The following PLXDC1 variants were observed in gnomAD, a reference collection of about 807,000 sequenced individuals.
The protein encoded by PLXDC1 is plexin domain-containing protein 1.
Under a neutral mutation model 61.3 loss-of-function variants are expected in PLXDC1, and 39 were observed. The observed-to-expected ratio is 0.64, with a 90% confidence interval of 0.49 to 0.83. The LOEUF (loss-of-function observed/expected upper bound fraction) is 0.83. Ranked by LOEUF, PLXDC1 falls within the 40% of genes least tolerant of loss-of-function variation. PLXDC1 has a pLI of 0.00. For missense variants in PLXDC1, 596 were observed against 666.5 expected (o/e 0.89, Z 1.17); for synonymous variants, 212 against 254.5 (o/e 0.83, Z 1.59).
Position 39,079,152 on chromosome 17 carries a change from G to C in PLXDC1, c.1002C>G (p.Gly334=). The C allele has an allele frequency of 6.2e-7, 1 of 1,613,816 alleles. No homozygotes were observed. Among genetic ancestry groups the C allele is most frequent in the Non-Finnish European group, 8.5e-7 (1 of 1,179,750 alleles). The change falls in exon 10 of 14, where the codon GGC becomes GGG. Residue 334 remains glycine, a synonymous_variant. Transcript: ENST00000315392. ...WCHVLQRCSS[G]FDRYRQEWMD... is the part of the protein sequence containing the mutation. ...TCCACTCCTGGCGATAGCGGTCAAA[G>C]CCACTGGAGCATCTGCAGGAGGACC...
rs1478480188 is a variant in PLXDC1, at chr17:39,117,563, C to A, written c.256-8172G>T. 6.0e-5 allele frequency among the ~76,000 whole-genome samples: 8 copies of A among 133,010 alleles called. No homozygotes were observed. The South Asian group carries it at 1.9e-3, about 32-fold the overall frequency. The allele number at this position is 133,010 out of a possible 152,430, so 87.3% of individuals were successfully genotyped here. On this transcript the variant is annotated intron_variant, in intron 2 of 13. Coordinates refer to ENST00000315392, the MANE Select transcript of PLXDC1 (RefSeq NM_020405.5). ...TTGGGCAACATAGTGAGACCCTCCC[C>A]CCAAGTCTACAAAAAAAAAAATGCA...
intron 7 of PLXDC1, among the ~76,000 whole-genome samples, chr17:39,095,400 T>C (rs1910149203): frequency 9.1e-6 from 1 of 109,630 alleles, no homozygotes; most frequent in Non-Finnish European, 1.9e-5. Context: ...GCCTGGGTTA[T>C]TTGTTTTGGA....
At chr17:39,122,231 C>T (rs540772774) in intron 2 of PLXDC1, among the ~76,000 whole-genome samples, 7 of 151,444 alleles carry the variant, frequency 4.6e-5, no homozygotes, top group African/African-American at 1.5e-4. Flanking sequence ...GTTGAAACCC[C>T]GTCTCTACTA....
rs1473299395 is a variant in PLXDC1 at position 39,105,868 on chromosome 17, G to A, written c.797C>T (p.Ser266Phe). The change falls in exon 7 of 14, where the codon TCC becomes TTC. Residue 266 changes from serine to phenylalanine, a missense_variant. Physicochemically the swap from Ser to Phe is radical, Grantham distance 155 (BLOSUM62 -2). Coordinates refer to ENST00000315392, the MANE Select transcript of PLXDC1 (RefSeq NM_020405.5). ...TGAAGACTCACCTGGCACATCCGGGGATGGATTGAGAATCATGAAGGCATC... is the reference window on the plus strand; with the variant it reads ...TGAAGACTCACCTGGCACATCCGGGAATGGATTGAGAATCATGAAGGCATC... ...LSDAFMILNP[S>F]PDVPESRRRS... 2 of 1,612,480 alleles carry A rather than the reference G, an allele frequency of 1.2e-6. No homozygotes were observed. The highest frequency in any genetic ancestry group is 1.7e-6 in the Non-Finnish European group (2 of 1,178,674).
intron 2 of PLXDC1, among the ~76,000 whole-genome samples, chr17:39,122,279 C>T (rs559489774): frequency 6.7e-6 from 1 of 150,086 alleles, no homozygotes; most frequent in African/African-American, 2.4e-5. Context: ...GTGAGGCACA[C>T]CTGTAATCCC....
chr17:39,085,058 GA>G (rs767505333), intron 8 of PLXDC1, among the ~76,000 whole-genome samples: 1 of 152,214 alleles, frequency 6.6e-6, no homozygotes, highest in African/African-American at 2.4e-5. Flanking sequence ...ACTAACAACA[GA>G]AAAATGACCA....
intron 1 of PLXDC1, among the ~76,000 whole-genome samples, chr17:39,147,924 A>G (rs2045352424): frequency 6.6e-6 from 1 of 152,186 alleles, no homozygotes. Context: ...AAGGGCTATG[A>G]AGAAAATCAG....
Position 39,107,543 on chromosome 17 carries a change from G to T in PLXDC1, c.593-18C>A. The T allele has an allele frequency of 6.5e-7, 1 of 1,545,358 alleles. No homozygotes were observed. Among genetic ancestry groups the T allele is most frequent in the Non-Finnish European group, 9.0e-7 (1 of 1,117,066 alleles). ...GACTGTCCCTGGGGAGAAGAACAGA[G>T]ACCCGGCTGGACGGGAGATCATGCA... On this transcript the variant is annotated intron_variant, in intron 5 of 13. Transcript: ENST00000315392.
chr17:39,125,176 C>G (rs903196832), intron 2 of PLXDC1, among the ~76,000 whole-genome samples: 1 of 152,194 alleles, frequency 6.6e-6, no homozygotes, highest in Admixed American at 6.5e-5. Context: ...CCCCAGCTGC[C>G]CTCTGGACAT....
intron 6 of PLXDC1, among the ~76,000 whole-genome samples, chr17:39,106,248 T>G (rs11658255): frequency 0.048 from 7,338 of 152,152 alleles, 247 homozygotes; most frequent in Non-Finnish European, 0.071. Context: ...CTAATGCATC[T>G]CCGAATTCTG....
In PLXDC1 at chr17:39,150,839, G is replaced by A. The variant is rs577385364; in HGVS notation, c.76+523C>T. 4.6e-5 allele frequency among the ~76,000 whole-genome samples: 7 copies of A among 152,336 alleles called. No individual in the cohort carries two copies. In the East Asian group the frequency reaches 1.4e-3, roughly 29 times the overall value. ...CTCTCTACTGACACCAAATAGGCAA[G>A]GGAAGGTGACCGAATGGCTGCTGCC... On this transcript the variant is annotated intron_variant, in intron 1 of 13. Transcript: ENST00000315392.
At chr17:39,129,688 A>AAAG (rs1462913519) in intron 2 of PLXDC1, among the ~76,000 whole-genome samples, 1 of 65,066 alleles carries the variant, frequency 1.5e-5, no homozygotes, top group African/African-American at 8.0e-5. Context: ...AGGGAGAAAG[A>AAAG]AAAGAAAGAA....
Position 39,067,516 on chromosome 17 carries a change from G to A in PLXDC1, c.*324C>T. The A allele has an allele frequency of 4.5e-6, 1 of 220,400 alleles. No individual in the cohort carries two copies. The highest frequency in any genetic ancestry group is 9.9e-5 in the East Asian group (1 of 10,056). 13.7% of individuals were successfully genotyped at this position (220,400 alleles called of 1,614,324 possible). A position where few individuals can be genotyped will look rare whatever the true frequency, so the allele number is the denominator to read the frequency against. ...TATCCTAGCCTAGGTGCAGGAATAG[G>A]TAAAGGCCCCTTAAACAAAAATGGA... On this transcript the variant is annotated 3_prime_UTR_variant, in exon 14 of 14. Transcript: ENST00000315392.
chr17:39,077,887 G>T, intron 11 of PLXDC1, 26 bp downstream of exon 11: 3 of 1,613,468 alleles, frequency 1.9e-6, no homozygotes, highest in Non-Finnish European at 2.5e-6. Context: ...CCTCCTCTCT[G>T]CTCCCCTCCT....
chr17:39,084,832 C>T (rs559453113), intron 8 of PLXDC1, among the ~76,000 whole-genome samples: 225 of 152,270 alleles, frequency 1.5e-3, no homozygotes, highest in Non-Finnish European at 2.7e-3. Flanking sequence ...GCAGGGGGCG[C>T]AGTAGGCACG....
chr17:39,131,572 T>C (rs1346878963), intron 2 of PLXDC1, among the ~76,000 whole-genome samples: 13 of 151,960 alleles, frequency 8.6e-5, no homozygotes, highest in Admixed American at 8.5e-4. Flanking sequence ...AGGCTGGTCT[T>C]GAACTCCTGA....
chr17:39,142,308 G>C (rs552517737), intron 1 of PLXDC1, among the ~76,000 whole-genome samples: 9 of 152,130 alleles, frequency 5.9e-5, no homozygotes, highest in Non-Finnish European at 8.8e-5. Context: ...CAATCCATTC[G>C]TGACAGCCAG....
At chr17:39,118,084 C>CCTT (rs56792110) in intron 2 of PLXDC1, among the ~76,000 whole-genome samples, 6,459 of 101,824 alleles carry the variant, frequency 0.063, 333 homozygotes, top group Middle Eastern at 0.16. Context: ...CTCCCTCCCT[C>CCTT]CCTTCCTTCC....
At chr17:39,134,280 A>G (rs1200466835) in intron 2 of PLXDC1, among the ~76,000 whole-genome samples, 1 of 151,616 alleles carries the variant, frequency 6.6e-6, no homozygotes, top group Non-Finnish European at 1.5e-5. Flanking sequence ...GAAAAGAAAA[A>G]AAAATAAAGT....
Sources: gnomAD v4.1 joint callset for allele counts (sites outside exome capture counted in the v4.1 genomes callset) on GRCh38, gnomAD v4.1.1 for gene constraint, MANE v1.5 for transcripts, NCBI Gene and HGNC (gene_info 2026-07-23, HGNC 2026-07-21) for gene names.